ARHGEF7: variants seen among roughly 807,000 people sequenced by gnomAD.
ARHGEF7 encodes Rho guanine nucleotide exchange factor 7.
A neutral mutation model predicts 109.8 loss-of-function variants in ARHGEF7; 33 were observed. That is an observed-to-expected ratio of 0.30 (90% CI 0.23 to 0.40). The LOEUF is 0.40. ARHGEF7 is among the 10% of genes least tolerant of loss of function. The pLI, the probability that ARHGEF7 is intolerant of heterozygous loss-of-function variation, is 1.00. For synonymous variants in ARHGEF7, 458 were observed against 424.6 expected (o/e 1.08, Z -0.97); for missense variants, 938 against 1,098.5 (o/e 0.85, Z 2.07).
chr13:111,265,376 CAG>C (rs1421632785), intron 8 of ARHGEF7: 3 of 352,260 alleles, frequency 8.5e-6, no homozygotes, highest in Non-Finnish European at 1.7e-5. Flanking sequence ...GGTTGAAAAA[CAG>C]GGAGAAGACC....
chr13:111,219,918 A>T (rs2083608840), intron 5 of ARHGEF7, among the ~76,000 whole-genome samples: 1 of 152,182 alleles, frequency 6.6e-6, no homozygotes. Context: ...CTTTAAAAAA[A>T]TCCGTTCATG....
chr13:111,175,991 G>A (rs2078123017), intron 2 of ARHGEF7, among the ~76,000 whole-genome samples: 1 of 152,152 alleles, frequency 6.6e-6, no homozygotes, highest in Non-Finnish European at 1.5e-5. Flanking sequence ...AGAACTCACT[G>A]TCACGAGAAG....
intron 8 of ARHGEF7, among the ~76,000 whole-genome samples, chr13:111,264,191 A>C (rs1007895935): frequency 6.6e-6 from 1 of 152,224 alleles, no homozygotes; most frequent in African/African-American, 2.4e-5. Flanking sequence ...AGGATTTGGA[A>C]ACATGGCTTG....
At chr13:111,192,376 C>G (rs1234444291) in intron 2 of ARHGEF7, among the ~76,000 whole-genome samples, 2 of 152,120 alleles carry the variant, frequency 1.3e-5, no homozygotes, top group East Asian at 3.9e-4. Flanking sequence ...AACTCTGTTC[C>G]CTTTTCTCTG....
intron 1 of ARHGEF7, chr13:111,116,699 A>G (rs759497533): frequency 1.1e-4 from 17 of 151,978 alleles, no homozygotes; most frequent in Non-Finnish European, 2.4e-4. Flanking sequence ...ATTGGCCCCC[A>G]TACAGGATGA....
chr13:111,267,409 GCTGGGATCGGGGC>G, intron 8 of ARHGEF7, 126 bp from the exon 9 acceptor site: 1 of 1,119,882 alleles, frequency 8.9e-7, no homozygotes, highest in Non-Finnish European at 1.3e-6. Context: ...ACACATGTGT[GCTGGGATCGGGGC>G]CTCTGGTTTT....
rs1460193718 is a variant in ARHGEF7, at chr13:111,205,309, G to T, written c.273G>T (p.Leu91Phe). The change falls in exon 3 of 22, where the codon TTG becomes TTT. Residue 91 changes from leucine (L) to phenylalanine (F), a missense_variant. Leu to Phe is a conservative substitution (Grantham distance 22). This residue lies in a region of ARHGEF7 where 165 missense variants were observed against 125.8 expected (regional missense o/e 1.31). Transcript: ENST00000646102. ...TTCAGACGTTTGATGCAAATGATTTGTATCAGGGGCAGAATTTTAACAAGG... is the reference window on the plus strand; with the variant it reads ...TTCAGACGTTTGATGCAAATGATTTTTATCAGGGGCAGAATTTTAACAAGG... ...LRLETFDAND[L>F]YQGQNFNKVL... 1.9e-6 allele frequency: 3 copies of T among 1,603,508 alleles called. No individual in the cohort carries two copies. The highest frequency in any genetic ancestry group is 2.3e-5 in the South Asian group (2 of 88,568).
intron 1 of ARHGEF7, among the ~76,000 whole-genome samples, chr13:111,137,254 C>G (rs2075130889): frequency 6.6e-6 from 1 of 152,220 alleles, no homozygotes. Context: ...TGAGGAGAAT[C>G]TGCTTTTCTA....
chr13:111,150,918 TC>T (rs1213946258), intron 1 of ARHGEF7, among the ~76,000 whole-genome samples: 1 of 152,194 alleles, frequency 6.6e-6, no homozygotes, highest in African/African-American at 2.4e-5. Context: ...CCTAGAGATA[TC>T]GTTCAACTTC....
chr13:111,133,807 ATATAT>A (rs1566607066), intron 1 of ARHGEF7, among the ~76,000 whole-genome samples: 1,777 of 30,310 alleles, frequency 0.059, 141 homozygotes, highest in Middle Eastern at 0.1. Flanking sequence ...ATATATATAT[ATATAT>A]ATTTATTATA....
chr13:111,222,412 A>G (rs1366709190), intron 5 of ARHGEF7, among the ~76,000 whole-genome samples: 1 of 152,012 alleles, frequency 6.6e-6, no homozygotes, highest in Non-Finnish European at 1.5e-5. Flanking sequence ...TGCTAGTTTT[A>G]TTTTAGTTTA....
intron 1 of ARHGEF7, among the ~76,000 whole-genome samples, chr13:111,128,596 G>C (rs1174025097): frequency 1.3e-5 from 2 of 152,188 alleles, no homozygotes; most frequent in Non-Finnish European, 2.9e-5. Context: ...CTATATATTA[G>C]CAACAAATGA....
At chr13:111,134,117 T>C in intron 1 of ARHGEF7, among the ~76,000 whole-genome samples, 1 of 152,174 alleles carries the variant, frequency 6.6e-6, no homozygotes, top group African/African-American at 2.4e-5. Context: ...ACAAAGGACA[T>C]GAACTCATCC....
At chr13:111,285,734 T>G (rs911259089) in intron 16 of ARHGEF7, among the ~76,000 whole-genome samples, 4 of 152,214 alleles carry the variant, frequency 2.6e-5, no homozygotes, top group African/African-American at 7.2e-5. Context: ...AACCTTAGTT[T>G]CCTCCTCTCT....
intron 8 of ARHGEF7, among the ~76,000 whole-genome samples, chr13:111,265,923 C>G (rs2091591044): frequency 6.6e-6 from 1 of 152,198 alleles, no homozygotes; most frequent in African/African-American, 2.4e-5. Context: ...CCGCGGTGTT[C>G]TGTTCCCAGC....
At chr13:111,154,533 C>T in intron 2 of ARHGEF7, among the ~76,000 whole-genome samples, 1 of 152,202 alleles carries the variant, frequency 6.6e-6, no homozygotes, top group East Asian at 1.9e-4. Flanking sequence ...GTGGTTTTTC[C>T]GTACCCTCAA....
rs2093566498 is a variant in ARHGEF7 at position 111,301,491 on chromosome 13, A to G, written c.2425A>G (p.Thr809Ala). The G allele has an allele frequency of 4.3e-6, 7 of 1,613,182 alleles. No individual in the cohort carries two copies. Among genetic ancestry groups the G allele is most frequent in the Non-Finnish European group, 5.1e-6 (6 of 1,179,346 alleles). The change falls in exon 21 of 22, where the codon ACC becomes GCC. Residue 809 changes from threonine to alanine, a missense_variant. This residue lies in a region of ARHGEF7 where 166 missense variants were observed against 167.3 expected (regional missense o/e 0.99). Transcript: ENST00000646102. Reference sequence around the variant, plus strand: ...TTCCTGTTTCAGGAGTCTTGTGGATACCGTATATGCATTAAAGGATGAAGT... The same window carrying G: ...TTCCTGTTTCAGGAGTCTTGTGGATGCCGTATATGCATTAAAGGATGAAGT... ...TVIEEKSLVD[T>A]VYALKDEVQE... is the part of the protein sequence containing the mutation.
intron 13 of ARHGEF7, 39 bp downstream of exon 13, chr13:111,277,712 G>T: frequency 7.2e-7 from 1 of 1,395,686 alleles, no homozygotes; most frequent in South Asian, 1.2e-5. Flanking sequence ...TTGTGGATCT[G>T]AGGATAATTT....
chr13:111,299,462 C>A (rs1595637642), intron 19 of ARHGEF7, among the ~76,000 whole-genome samples: 1 of 151,448 alleles, frequency 6.6e-6, no homozygotes, highest in South Asian at 2.1e-4. Flanking sequence ...CCTGCCTCAG[C>A]CTCCCGAGTA....
Sources: gnomAD v4.1 joint callset for allele counts (sites outside exome capture counted in the v4.1 genomes callset) on GRCh38, gnomAD v4.1.1 for gene constraint, gnomAD v4.1.1 regional missense constraint, MANE v1.5 for transcripts, NCBI Gene and HGNC (gene_info 2026-07-23, HGNC 2026-07-21) for gene names.